SHISA9: variants seen among roughly 807,000 people sequenced by gnomAD.
The protein encoded by SHISA9 is protein shisa-9.
SHISA9 carries 13 observed loss-of-function variants against 38.0 expected under a neutral mutation model. That is an observed-to-expected ratio of 0.34 (90% CI 0.22 to 0.54). The LOEUF (loss-of-function observed/expected upper bound fraction) is 0.54. SHISA9 is among the 20% of genes least tolerant of loss of function. The pLI, the probability that SHISA9 is intolerant of heterozygous loss-of-function variation, is 0.91. For synonymous variants in SHISA9, 275 were observed against 242.0 expected, an observed-to-expected ratio of 1.14 and a Z score of -1.27; for missense variants, 538 against 575.8, an observed-to-expected ratio of 0.93 and a Z score of 0.67.
the SHISA9 span, among the ~76,000 whole-genome samples, chr16:13,287,793 A>G: frequency 6.6e-6 from 1 of 152,198 alleles, no homozygotes; most frequent in African/African-American, 2.4e-5. Context: ...AATGATAGTC[A>G]CTTTCACTAA....
chr16:13,069,289 A>G (rs2073479636), intron 2 of SHISA9, among the ~76,000 whole-genome samples: 1 of 149,974 alleles, frequency 6.7e-6, no homozygotes, highest in South Asian at 2.1e-4. Context: ...TGTACCTGCA[A>G]TGTATGCGTG....
chr16:13,298,820 C>A, the SHISA9 span, among the ~76,000 whole-genome samples: 1 of 152,226 alleles, frequency 6.6e-6, no homozygotes, highest in Non-Finnish European at 1.5e-5. Flanking sequence ...ATCCTGGCCC[C>A]CATGCTGAGA....
the SHISA9 span, among the ~76,000 whole-genome samples, chr16:13,248,350 C>T: frequency 6.6e-6 from 1 of 152,188 alleles, no homozygotes; most frequent in Non-Finnish European, 1.5e-5. Context: ...CCTTTACTGT[C>T]TCCCTTCTCC....
chr16:13,268,575 CATA>C, the SHISA9 span, among the ~76,000 whole-genome samples: 1 of 152,158 alleles, frequency 6.6e-6, no homozygotes. Context: ...CTTAGCAGCA[CATA>C]ATGTTCCCCA....
At chr16:13,305,354 A>G in the SHISA9 span, among the ~76,000 whole-genome samples, 1 of 152,204 alleles carries the variant, frequency 6.6e-6, no homozygotes, top group Non-Finnish European at 1.5e-5. Flanking sequence ...CAATTTTCCA[A>G]TGACTGTGAC....
chr16:12,976,925 A>C (rs2072170418), intron 2 of SHISA9, among the ~76,000 whole-genome samples: 1 of 152,212 alleles, frequency 6.6e-6, no homozygotes, highest in Non-Finnish European at 1.5e-5. Flanking sequence ...GGCACTTAAC[A>C]ATGAATCAAA....
At chr16:13,144,768 G>A (rs153082) in intron 2 of SHISA9, among the ~76,000 whole-genome samples, 136,266 of 152,192 alleles carry the variant, frequency 0.9, 61,238 homozygotes, top group African/African-American at 0.97. Context: ...AGCGGAAGCC[G>A]CCACTAAGTG....
chr16:12,909,022 C>T (rs1265569260), intron 1 of SHISA9: 2 of 997,546 alleles, frequency 2.0e-6, no homozygotes, highest in Non-Finnish European at 2.4e-6. Flanking sequence ...TGCCTTTTGC[C>T]TTCCAGTTTC....
chr16:13,371,455 C>T, the SHISA9 span, among the ~76,000 whole-genome samples: 2 of 152,102 alleles, frequency 1.3e-5, no homozygotes, highest in South Asian at 4.2e-4. Flanking sequence ...TTAGAGTTGC[C>T]TGGGGAGGCT....
chr16:13,544,225 A>G, the SHISA9 span, among the ~76,000 whole-genome samples: 1 of 149,084 alleles, frequency 6.7e-6, no homozygotes, highest in African/African-American at 2.4e-5. Flanking sequence ...AATACTATAT[A>G]TCTTATCTAT....
rs150922678 is a variant in SHISA9, at chr16:13,159,251, C to G, written c.692-44143C>G. ...AACATGAATTAGGCATAATACCTAGCACATTATATGCACTCAACAAATGCT... is the reference window on the plus strand; with the variant it reads ...AACATGAATTAGGCATAATACCTAGGACATTATATGCACTCAACAAATGCT... On this transcript the variant is annotated intron_variant, in intron 2 of 4. Transcript: ENST00000558583. 1.1e-3 allele frequency among the ~76,000 whole-genome samples: 161 copies of G among 152,320 alleles called. 6 individuals carry two copies. The East Asian group carries it at 0.027, about 26-fold the overall frequency.
chr16:13,063,943 G>C (rs889381993), intron 2 of SHISA9, among the ~76,000 whole-genome samples: 10 of 152,208 alleles, frequency 6.6e-5, no homozygotes, highest in Non-Finnish European at 1.5e-4. Flanking sequence ...CCTTGGCTCT[G>C]CCCTACCAAG....
At chr16:13,112,795 T>A (rs1435024118) in intron 2 of SHISA9, among the ~76,000 whole-genome samples, 2 of 152,126 alleles carry the variant, frequency 1.3e-5, no homozygotes, top group Non-Finnish European at 2.9e-5. Context: ...TGGCTCCCAC[T>A]CGCCTTTGTG....
the SHISA9 span, among the ~76,000 whole-genome samples, chr16:13,467,569 T>G: frequency 6.6e-6 from 1 of 152,198 alleles, no homozygotes; most frequent in Non-Finnish European, 1.5e-5. Context: ...AACTCCATGA[T>G]CCCGTGATCC....
chr16:13,245,219 A>G (rs144973866), downstream of SHISA9, among the ~76,000 whole-genome samples: 655 of 152,224 alleles, frequency 4.3e-3, 1 homozygote, highest in Non-Finnish European at 7.1e-3. Context: ...ACCCTGCCTT[A>G]TTGCCCACAT....
intron 2 of SHISA9, among the ~76,000 whole-genome samples, chr16:12,923,738 G>A (rs1293415581): frequency 6.6e-6 from 1 of 151,930 alleles, no homozygotes; most frequent in Non-Finnish European, 1.5e-5. Context: ...CTACTTGGGA[G>A]GCTGAGGCAG....
At chr16:13,462,984 T>TAAAA in the SHISA9 span, among the ~76,000 whole-genome samples, 1 of 149,496 alleles carries the variant, frequency 6.7e-6, no homozygotes, top group South Asian at 2.1e-4. Flanking sequence ...AATAAATAAA[T>TAAAA]AAAAAATAAA....
the SHISA9 span, among the ~76,000 whole-genome samples, chr16:13,307,494 A>T: frequency 6.6e-6 from 1 of 152,302 alleles, no homozygotes; most frequent in Admixed American, 6.5e-5. Flanking sequence ...TATCTGCTGT[A>T]GGAGATCAGA....
intron 2 of SHISA9, among the ~76,000 whole-genome samples, chr16:13,059,305 T>G (rs1430698362): frequency 6.6e-6 from 1 of 152,032 alleles, no homozygotes; most frequent in African/African-American, 2.4e-5. Flanking sequence ...TTTTTTGTAT[T>G]TTTAGTAGAG....
Sources: allele counts gnomAD v4.1 joint callset (sites outside exome capture counted in the v4.1 genomes callset), GRCh38; gene constraint gnomAD v4.1.1; transcripts MANE v1.5; gene names NCBI Gene and HGNC (gene_info 2026-07-23, HGNC 2026-07-21).